The following CDH12 variants were observed in gnomAD, a reference collection of about 807,000 sequenced individuals.
The protein encoded by CDH12 is cadherin 12.
A neutral mutation model predicts 74.1 loss-of-function variants in CDH12; 41 were observed. The observed-to-expected ratio is 0.55, with a 90% CI of 0.43 to 0.72. The LOEUF (loss-of-function observed/expected upper bound fraction) is 0.72, where lower values mean the gene tolerates loss of function less well. Ranked by LOEUF, CDH12 falls within the 30% of genes least tolerant of loss-of-function variation. The pLI is 0.00. For missense variants in CDH12, 945 were observed against 977.2 expected (o/e 0.97, Z 0.44); for synonymous variants, 399 against 355.0 (o/e 1.12, Z -1.39).
At chr5:22,181,715 C>T (rs960156310) in intron 4 of CDH12, among the ~76,000 whole-genome samples, 16 of 152,032 alleles carry the variant, frequency 1.1e-4, no homozygotes, top group Non-Finnish European at 2.1e-4. Context: ...TTTCTTCCAT[C>T]AATATCTGTC....
intron 13 of CDH12, 42 bp from the exon 14 acceptor site, chr5:21,755,884 T>G: frequency 6.3e-7 from 1 of 1,596,308 alleles, no homozygotes; most frequent in Non-Finnish European, 8.6e-7. Flanking sequence ...TACTATAAGC[T>G]TCACTTCAAA....
intron 8 of CDH12, 81 bp downstream of exon 8, chr5:21,842,080 T>A: frequency 1.9e-6 from 2 of 1,039,256 alleles, no homozygotes; most frequent in South Asian, 1.7e-5. Context: ...GGAAAATGAT[T>A]GTCATTCCCA....
At chr5:21,896,421 G>A (rs1235190416) in intron 6 of CDH12, among the ~76,000 whole-genome samples, 1 of 152,126 alleles carries the variant, frequency 6.6e-6, no homozygotes, top group Non-Finnish European at 1.5e-5. Context: ...TTCATTATAT[G>A]TAAACTATTT....
chr5:21,884,337 A>G, intron 6 of CDH12: 1 of 1,030,080 alleles, frequency 9.7e-7, no homozygotes, highest in Admixed American at 1.7e-5. Flanking sequence ...CTTTACCTTT[A>G]TTAATGAACT....
intron 3 of CDH12, among the ~76,000 whole-genome samples, chr5:22,244,531 AAAGAAGAAG>A (rs1561250672): frequency 4.3e-5 from 1 of 23,136 alleles, no homozygotes; most frequent in Non-Finnish European, 7.2e-5. Context: ...AAAAAAAAAA[AAAGAAGAAG>A]AAGAAGAAGA....
intron 4 of CDH12, among the ~76,000 whole-genome samples, chr5:22,124,784 C>T (rs1472627332): frequency 6.6e-6 from 1 of 151,928 alleles, no homozygotes; most frequent in Non-Finnish European, 1.5e-5. Context: ...TTATTTTTTC[C>T]TCCTTATCAC....
At chr5:22,543,689 C>T (rs962351223) in intron 1 of CDH12, among the ~76,000 whole-genome samples, 1 of 152,116 alleles carries the variant, frequency 6.6e-6, no homozygotes, top group African/African-American at 2.4e-5. Context: ...ATAAACTAGC[C>T]TTGTCATGTG....
chr5:22,443,911 C>T (rs746240633), intron 2 of CDH12, among the ~76,000 whole-genome samples: 2 of 151,886 alleles, frequency 1.3e-5, no homozygotes, highest in Non-Finnish European at 2.9e-5. Flanking sequence ...TATGTACTTG[C>T]ACATGTGTTT....
At chr5:22,048,359 T>A (rs563069336) in intron 5 of CDH12, among the ~76,000 whole-genome samples, 15 of 152,272 alleles carry the variant, frequency 9.9e-5, no homozygotes, top group Middle Eastern at 3.4e-3. Context: ...GTGTAGTACA[T>A]CCATCAGTAG....
chr5:21,820,386 T>G (rs1175143719), intron 8 of CDH12, among the ~76,000 whole-genome samples: 1 of 151,974 alleles, frequency 6.6e-6, no homozygotes, highest in African/African-American at 2.4e-5. Flanking sequence ...ATAATAGCAT[T>G]GTCCAATAAT....
chr5:22,815,954 A>T (rs1434712307), intron 1 of CDH12, among the ~76,000 whole-genome samples: 1 of 152,018 alleles, frequency 6.6e-6, no homozygotes, highest in African/African-American at 2.4e-5. Context: ...AAAAGAAGGC[A>T]AATTGTGAAA....
chr5:22,264,794 T>C (rs1204275502), intron 3 of CDH12, among the ~76,000 whole-genome samples: 1 of 152,176 alleles, frequency 6.6e-6, no homozygotes, highest in African/African-American at 2.4e-5. Context: ...AAATGTCTTC[T>C]TCTCTAACTG....
intron 1 of CDH12, among the ~76,000 whole-genome samples, chr5:22,575,213 C>T (rs1050802684): frequency 1.3e-5 from 2 of 152,048 alleles, no homozygotes; most frequent in Non-Finnish European, 2.9e-5. Context: ...GCATTTGATA[C>T]AGACACTTTT....
intron 3 of CDH12, among the ~76,000 whole-genome samples, chr5:22,319,012 A>T (rs1463464029): frequency 6.6e-6 from 1 of 152,196 alleles, no homozygotes; most frequent in Non-Finnish European, 1.5e-5. Context: ...AATCTTATGT[A>T]ATATGACTTT....
intron 5 of CDH12, among the ~76,000 whole-genome samples, chr5:21,994,769 A>T (rs896095387): frequency 9.2e-5 from 14 of 152,294 alleles, no homozygotes; most frequent in African/African-American, 3.4e-4. Context: ...AAACGATTGT[A>T]AACACACCAA....
chr5:21,843,825 C>G (rs570936901), intron 7 of CDH12, among the ~76,000 whole-genome samples: 1 of 152,212 alleles, frequency 6.6e-6, no homozygotes, highest in South Asian at 2.1e-4. Context: ...GTTCTACATA[C>G]CTTAAGTTAT....
At chr5:21,793,303 T>C (rs1746606570) in intron 10 of CDH12, among the ~76,000 whole-genome samples, 1 of 151,814 alleles carries the variant, frequency 6.6e-6, no homozygotes, top group African/African-American at 2.4e-5. Flanking sequence ...CTATTTTGTT[T>C]TGTTCATTAT....
intron 4 of CDH12, among the ~76,000 whole-genome samples, chr5:22,095,357 T>G (rs141728121): frequency 0.011 from 1,729 of 152,206 alleles, 20 homozygotes; most frequent in African/African-American, 0.016. Context: ...ACACGTTTTA[T>G]CTGTGGACCC....
chr5:22,620,834 T>C (rs1218221824), intron 1 of CDH12, among the ~76,000 whole-genome samples: 1 of 152,176 alleles, frequency 6.6e-6, no homozygotes, highest in East Asian at 1.9e-4. Flanking sequence ...AACATTATAA[T>C]GGATATTCCA....
Sources: allele counts gnomAD v4.1 joint callset (sites outside exome capture counted in the v4.1 genomes callset), GRCh38; gene constraint gnomAD v4.1.1; transcripts MANE v1.5; gene names NCBI Gene and HGNC (gene_info 2026-07-23, HGNC 2026-07-21).